OVCH1: variants seen among roughly 807,000 people sequenced by gnomAD.
The protein encoded by OVCH1 is ovochymase 1, also known as ovochymase-1.
OVCH1 carries 139 observed loss-of-function variants against 138.4 expected under a neutral mutation model. The observed-to-expected ratio is 1.00, with a 90% CI of 0.87 to 1.16. The LOEUF is 1.16. Ranked by LOEUF, OVCH1 falls within the 50% of genes most tolerant of loss-of-function variation. The pLI, the probability that OVCH1 is intolerant of heterozygous loss-of-function variation, is 0.00. For missense variants in OVCH1, 1,367 were observed against 1,357.9 expected, an observed-to-expected ratio of 1.01 and a Z score of -0.11; for synonymous variants, 453 against 467.8, an observed-to-expected ratio of 0.97 and a Z score of 0.41.
At chr12:29,484,034 G>A (rs1943017715) in intron 8 of OVCH1, among the ~76,000 whole-genome samples, 1 of 152,144 alleles carries the variant, frequency 6.6e-6, no homozygotes, top group African/African-American at 2.4e-5. Flanking sequence ...TTATAAACTT[G>A]TAGAACTGTT....
intron 3 of OVCH1, among the ~76,000 whole-genome samples, chr12:29,421,344 AT>A (rs1178907595): frequency 1.2e-3 from 180 of 152,358 alleles, no homozygotes; most frequent in African/African-American, 4.1e-3. Flanking sequence ...TATAAAAGTA[AT>A]TATAAAAGTC....
chr12:29,492,827 G>A (rs745620941), intron 4 of OVCH1, among the ~76,000 whole-genome samples: 45 of 152,142 alleles, frequency 3.0e-4, no homozygotes, highest in Non-Finnish European at 5.6e-4. Context: ...TCAAGGAGAA[G>A]AGGAAGAATC....
chr12:29,457,868 T>A (rs1942006262), intron 19 of OVCH1, among the ~76,000 whole-genome samples: 1 of 152,206 alleles, frequency 6.6e-6, no homozygotes, highest in South Asian at 2.1e-4. Context: ...TACATGTGCA[T>A]GTATGTGTAT....
chr12:29,495,651 T>C (rs1162379650), intron 3 of OVCH1, among the ~76,000 whole-genome samples, 194 bp from the exon 4 acceptor site: 1 of 152,202 alleles, frequency 6.6e-6, no homozygotes, highest in Non-Finnish European at 1.5e-5. Flanking sequence ...TTTTCAGTCA[T>C]GTTTCCATTT....
intron 11 of OVCH1, 32 bp from the exon 12 acceptor site, chr12:29,477,264 T>A: frequency 6.2e-7 from 1 of 1,613,102 alleles, no homozygotes; most frequent in Non-Finnish European, 8.5e-7. Context: ...TCAAAGTGAA[T>A]GGCCAAAGAC....
chr12:29,492,344 A>G (rs915882242), intron 4 of OVCH1, among the ~76,000 whole-genome samples: 1 of 151,868 alleles, frequency 6.6e-6, no homozygotes, highest in African/African-American at 2.4e-5. Flanking sequence ...AAAAAAATAA[A>G]CAAATCAGAG....
chr12:29,409,057 A>G (rs185050526), downstream of OVCH1, among the ~76,000 whole-genome samples: 4,118 of 152,180 alleles, frequency 0.027, 173 homozygotes, highest in African/African-American at 0.089. Flanking sequence ...GTGTCGAGGA[A>G]TTTATCCATT....
rs549155819 is a variant in OVCH1 at position 29,439,470 on chromosome 12, ACAAAAAACAAAAAG to A, written c.3158-50_3158-37del. ...CTGAGAAAAACAAACAAACAAACAAACAAAAAACAAAAAGCAAAAAACAAAAAACAAACTTCTCT... is the reference window on the plus strand; with the variant it reads ...CTGAGAAAAACAAACAAACAAACAAACAAAAAACAAAAAACAAACTTCTCT... On this transcript the variant is annotated intron_variant, in intron 25 of 27. Transcript: ENST00000318184. 1.3e-3 allele frequency: 1,893 copies of A among 1,469,538 alleles called. 25 individuals carry two copies. The African/African-American group carries it at 0.025, about 19-fold the overall frequency. 91.0% of individuals were successfully genotyped at this position (1,469,538 alleles called of 1,614,324 possible).
At chr12:29,405,550 T>TC in the OVCH1 span, among the ~76,000 whole-genome samples, 1 of 152,170 alleles carries the variant, frequency 6.6e-6, no homozygotes. Context: ...TAGGGGTAAA[T>TC]CCCACCATTT....
Position 29,478,986 on chromosome 12 carries a change from G to T in OVCH1, c.996-78C>A. 1 of 988,650 alleles carries T rather than the reference G, an allele frequency of 1.0e-6. No homozygotes were observed. The highest frequency in any genetic ancestry group is 1.7e-5 in the African/African-American group (1 of 59,414). The allele number at this position is 988,650 out of a possible 1,614,324, so 61.2% of individuals were successfully genotyped here. A position where few individuals can be genotyped will look rare whatever the true frequency, so the allele number is the denominator to read the frequency against. On this transcript the variant is annotated intron_variant, in intron 8 of 27. Transcript: ENST00000318184. ...CATATAAGCTGGGGTAGGGGAAGGT[G>T]AAGAAAATGTAATAAATGGAAGAGT...
chr12:29,474,925 G>A, intron 14 of OVCH1, 136 bp downstream of exon 14: 1 of 1,006,694 alleles, frequency 9.9e-7, no homozygotes, highest in Non-Finnish European at 1.4e-6. Flanking sequence ...TTCTAGGGGT[G>A]GATCCAGAAA....
At chr12:29,487,370 T>C (rs1943140224) in intron 7 of OVCH1, 1 of 205,532 alleles carries the variant, frequency 4.9e-6, no homozygotes, top group African/African-American at 2.3e-5. Flanking sequence ...TTTGGTATTC[T>C]TAAGTAGTAC....
intron 21 of OVCH1, 29 bp from the exon 22 acceptor site, chr12:29,451,598 G>T: frequency 6.5e-7 from 1 of 1,548,020 alleles, no homozygotes; most frequent in South Asian, 1.2e-5. Flanking sequence ...AGACACCAGG[G>T]ACCAACATAA....
At chr12:29,411,124 C>A (rs13377947), downstream of OVCH1, among the ~76,000 whole-genome samples, 7,614 of 61,946 alleles carry the variant, frequency 0.12, 1,122 homozygotes, top group Middle Eastern at 0.4. Context: ...TGCATTCTTC[C>A]CGTAGTTCTC....
chr12:29,458,555 T>C (rs554732676), intron 19 of OVCH1, among the ~76,000 whole-genome samples: 71 of 152,222 alleles, frequency 4.7e-4, no homozygotes, highest in Non-Finnish European at 7.4e-4. Context: ...AAAAACAACA[T>C]TGAGGAAACT....
chr12:29,435,585 A>G (rs1941343924), intron 26 of OVCH1, among the ~76,000 whole-genome samples: 1 of 152,090 alleles, frequency 6.6e-6, no homozygotes, highest in Admixed American at 6.5e-5. Context: ...TGATCTCCTG[A>G]CCCCGTGATC....
intron 12 of OVCH1, among the ~76,000 whole-genome samples, chr12:29,476,758 C>CGT (rs1472449079): frequency 0.015 from 80 of 5,210 alleles, no homozygotes; most frequent in African/African-American, 0.018. Flanking sequence ...CACGCGCGCA[C>CGT]ACACACACAC....
chr12:29,410,564 C>T (rs4347427), downstream of OVCH1, among the ~76,000 whole-genome samples: 47,139 of 84,810 alleles, frequency 0.56, 14,938 homozygotes, highest in Middle Eastern at 0.77. Context: ...CTCCTTCACT[C>T]ATGAAGCTTA....
At chr12:29,402,373 A>G in the OVCH1 span, among the ~76,000 whole-genome samples, 3 of 152,198 alleles carry the variant, frequency 2.0e-5, no homozygotes, top group Non-Finnish European at 1.5e-5. Flanking sequence ...ACCAATATTC[A>G]TGTGAGGGTT....
Sources: gnomAD v4.1 joint callset for allele counts (sites outside exome capture counted in the v4.1 genomes callset) on GRCh38, gnomAD v4.1.1 for gene constraint, MANE v1.5 for transcripts, NCBI Gene and HGNC (gene_info 2026-07-23, HGNC 2026-07-21) for gene names.